BANK1: variants seen among roughly 807,000 people sequenced by gnomAD.
BANK1 encodes B-cell scaffold protein with ankyrin repeats.
In BANK1, 95 loss-of-function variants were observed where a neutral mutation model predicts 94.5. That is an observed-to-expected ratio of 1.00 (90% CI 0.85 to 1.19). The LOEUF (loss-of-function observed/expected upper bound fraction) is 1.19. Ranked by LOEUF, BANK1 falls within the 50% of genes most tolerant of loss-of-function variation. The pLI is 0.00. For synonymous variants in BANK1, 334 were observed against 308.4 expected (o/e 1.08, Z -0.87); for missense variants, 987 against 932.2 (o/e 1.06, Z -0.77).
chr4:101,793,600 T>C (rs941902123), intron 1 of BANK1, among the ~76,000 whole-genome samples: 1 of 152,232 alleles, frequency 6.6e-6, no homozygotes, highest in Non-Finnish European at 1.5e-5. Flanking sequence ...CTACTTATGA[T>C]GGTCTTTTGA....
chr4:101,844,373 TG>T (rs1193545368), intron 2 of BANK1, among the ~76,000 whole-genome samples: 9 of 152,066 alleles, frequency 5.9e-5, no homozygotes, highest in African/African-American at 9.7e-5. Flanking sequence ...AATGAAAGAT[TG>T]TGGTTTCAGG....
chr4:102,000,879 G>T (rs933194768), intron 7 of BANK1, among the ~76,000 whole-genome samples: 2 of 152,198 alleles, frequency 1.3e-5, no homozygotes, highest in African/African-American at 2.4e-5. Flanking sequence ...TCCCCTGATG[G>T]TGTTGCTTAT....
rs1346641161 is a variant in BANK1, at chr4:101,853,674, TAA to T, written c.470-1360_470-1359del. On this transcript the variant is annotated intron_variant, in intron 2 of 16. Transcript: ENST00000322953. Reference sequence around the variant, plus strand: ...GGCGTAATTTTATGATTTGACATATTAATGGAATATTAATGACTCTACTTGGA... The same window carrying T: ...GGCGTAATTTTATGATTTGACATATTTGGAATATTAATGACTCTACTTGGA... Among the ~76,000 whole-genome samples, 10 of 152,268 alleles carry T rather than the reference TAA, an allele frequency of 6.6e-5. No homozygotes were observed. In the East Asian group the frequency reaches 1.9e-3, roughly 29 times the overall value.
intron 11 of BANK1, among the ~76,000 whole-genome samples, chr4:102,045,894 TC>T (rs1486983485): frequency 1.3e-5 from 2 of 151,710 alleles, no homozygotes; most frequent in African/African-American, 2.4e-5. Context: ...TTCAATGCCA[TC>T]CCCATCAAGC....
At chr4:101,844,064 C>G (rs2148869114) in intron 2 of BANK1, among the ~76,000 whole-genome samples, 1 of 152,290 alleles carries the variant, frequency 6.6e-6, no homozygotes, top group East Asian at 1.9e-4. Context: ...TTTTATTGAG[C>G]TTCTACTATG....
chr4:101,997,310 T>G (rs993258426), intron 7 of BANK1, among the ~76,000 whole-genome samples: 1 of 152,194 alleles, frequency 6.6e-6, no homozygotes, highest in South Asian at 2.1e-4. Context: ...AGCTTTTTGA[T>G]GTACTGCTGG....
At chr4:101,988,387 G>A (rs1010879328) in intron 7 of BANK1, among the ~76,000 whole-genome samples, 3 of 152,066 alleles carry the variant, frequency 2.0e-5, no homozygotes, top group East Asian at 3.9e-4. Context: ...GAAATTTGAA[G>A]TTATTCATAA....
chr4:102,059,108 T>A (rs1003932956), intron 11 of BANK1, among the ~76,000 whole-genome samples: 1 of 152,246 alleles, frequency 6.6e-6, no homozygotes, highest in Admixed American at 6.5e-5. Flanking sequence ...CAAATTCTTA[T>A]TACTGTAGAA....
chr4:102,072,630 G>A (rs1442875762), intron 15 of BANK1, among the ~76,000 whole-genome samples: 3 of 152,060 alleles, frequency 2.0e-5, no homozygotes, highest in Admixed American at 6.6e-5. Flanking sequence ...CCAAAGTGTG[G>A]CTAAATTCAA....
chr4:101,891,609 C>CT (rs1721870278), intron 5 of BANK1, among the ~76,000 whole-genome samples: 1 of 152,018 alleles, frequency 6.6e-6, no homozygotes, highest in Non-Finnish European at 1.5e-5. Flanking sequence ...TCCTGGGACT[C>CT]TGATCACAAG....
In BANK1 at chr4:101,947,291, A is replaced by G. The variant is rs1157094359; in HGVS notation, c.1206+29102A>G. On this transcript the variant is annotated intron_variant, in intron 7 of 16. Transcript: ENST00000322953. ...GTGTTTGAAGAAGTTGTAAATATAT[A>G]TATATATATATATATATATATGTAT... Among the ~76,000 whole-genome samples, 2 of 39,386 alleles carry G rather than the reference A, an allele frequency of 5.1e-5. 1 individual carries two copies. The highest frequency in any genetic ancestry group is 1.2e-4 in the Non-Finnish European group (2 of 16,464). 25.8% of individuals were successfully genotyped at this position (39,386 alleles called of 152,430 possible). A position where few individuals can be genotyped will look rare whatever the true frequency, so the allele number is the denominator to read the frequency against.
chr4:102,006,625 A>G (rs1726268539), intron 7 of BANK1, among the ~76,000 whole-genome samples: 1 of 152,036 alleles, frequency 6.6e-6, no homozygotes, highest in Non-Finnish European at 1.5e-5. Flanking sequence ...GACACAAGGC[A>G]TGGATGTTAA....
chr4:101,833,167 T>C (rs958349668), intron 2 of BANK1, among the ~76,000 whole-genome samples: 1 of 152,008 alleles, frequency 6.6e-6, no homozygotes, highest in Non-Finnish European at 1.5e-5. Context: ...TTAGTAGAGA[T>C]TCGGTTTCTC....
Position 102,025,485 on chromosome 4 carries a change from G to T in BANK1, c.1570G>T (p.Glu524Ter). 6.2e-7 allele frequency: 1 copy of T among 1,613,610 alleles called. No individual in the cohort carries two copies. The highest frequency in any genetic ancestry group is 8.5e-7 in the Non-Finnish European group (1 of 1,179,962). ...PRPVANAFQL[E>*]RPHFTLPGTM... ...ACCTGTAGCTAATGCCTTCCAACTGGAAAGACCTCACTTCACCTTACCAGG... is the reference window on the plus strand; with the variant it reads ...ACCTGTAGCTAATGCCTTCCAACTGTAAAGACCTCACTTCACCTTACCAGG... The change falls in exon 9 of 17, where the codon GAA (glutamate) becomes TAA (stop). Residue 524 changes from glutamate (E) to a stop codon, truncating the protein, a stop_gained. Transcript: ENST00000322953. LOFTEE classifies it high-confidence loss of function.
intron 1 of BANK1, among the ~76,000 whole-genome samples, chr4:101,820,595 A>G (rs1404401891): frequency 6.6e-6 from 1 of 152,142 alleles, no homozygotes; most frequent in Non-Finnish European, 1.5e-5. Flanking sequence ...AGTACCCAAT[A>G]GTTATCTTTT....
intron 5 of BANK1, among the ~76,000 whole-genome samples, chr4:101,878,207 A>G (rs889525266): frequency 1.3e-5 from 2 of 152,276 alleles, no homozygotes; most frequent in South Asian, 4.1e-4. Flanking sequence ...TCTGTTGACT[A>G]CAAGAAATGC....
intron 2 of BANK1, among the ~76,000 whole-genome samples, chr4:101,832,978 G>C (rs928289985): frequency 6.7e-6 from 1 of 148,678 alleles, no homozygotes. Flanking sequence ...GCTTGTTCAG[G>C]TTTCTTTCTT....
At chr4:101,963,197 T>A (rs1256856182) in intron 7 of BANK1, among the ~76,000 whole-genome samples, 1 of 152,090 alleles carries the variant, frequency 6.6e-6, no homozygotes, top group Non-Finnish European at 1.5e-5. Context: ...CTCCTATTAG[T>A]CTTTCTTTCC....
chr4:101,951,870 C>A (rs1340658729), intron 7 of BANK1, among the ~76,000 whole-genome samples: 1 of 150,928 alleles, frequency 6.6e-6, no homozygotes, highest in Non-Finnish European at 1.5e-5. Context: ...ATTTATAAAA[C>A]AAAAAAAATA....
Sources: allele counts gnomAD v4.1 joint callset (sites outside exome capture counted in the v4.1 genomes callset), GRCh38; gene constraint gnomAD v4.1.1; transcripts MANE v1.5; gene names NCBI Gene and HGNC (gene_info 2026-07-23, HGNC 2026-07-21).